CPXM2: variants seen among roughly 807,000 people sequenced by gnomAD.
The protein encoded by CPXM2 is carboxypeptidase X, M14 family member 2, also known as inactive carboxypeptidase-like protein X2.
CPXM2 carries 66 observed loss-of-function variants against 86.1 expected under a neutral mutation model. The ratio of observed to expected loss-of-function variants is 0.77; its 90% CI spans 0.63 to 0.94. The LOEUF (loss-of-function observed/expected upper bound fraction) is 0.94. Ranked by LOEUF, CPXM2 falls within the 40% of genes least tolerant of loss-of-function variation. The probability of loss-of-function intolerance (pLI) is 0.00; values close to 1 mark genes in which losing one functional copy is unlikely to be tolerated. For synonymous variants in CPXM2, 388 were observed against 400.2 expected (o/e 0.97, Z 0.36); for missense variants, 948 against 1,026.3 (o/e 0.92, Z 1.04).
At chr10:123,851,128 A>T (rs1029045858) in intron 3 of CPXM2, among the ~76,000 whole-genome samples, 1 of 152,166 alleles carries the variant, frequency 6.6e-6, no homozygotes, top group Admixed American at 6.5e-5. Flanking sequence ...GCCATTGGCC[A>T]TGACATTGCT....
At chr10:123,920,898 G>A (rs1487875908) in intron 2 of CPXM2, among the ~76,000 whole-genome samples, 2 of 152,090 alleles carry the variant, frequency 1.3e-5, no homozygotes, top group Non-Finnish European at 2.9e-5. Context: ...CTTCCACCAT[G>A]GGATCATGCA....
At chr10:123,943,776 C>T (rs527810400), upstream of CPXM2, among the ~76,000 whole-genome samples, 1 of 152,322 alleles carries the variant, frequency 6.6e-6, no homozygotes, top group East Asian at 1.9e-4. Flanking sequence ...ATGAAGCCAC[C>T]TGCAAAGACA....
At chr10:123,759,115 A>G (rs1846278489) in intron 11 of CPXM2, among the ~76,000 whole-genome samples, 2 of 152,182 alleles carry the variant, frequency 1.3e-5, no homozygotes, top group African/African-American at 2.4e-5. Flanking sequence ...TGGAATAAAA[A>G]GGGTGGGACA....
At chr10:123,815,535 C>A (rs112117627) in intron 4 of CPXM2, among the ~76,000 whole-genome samples, 4,799 of 152,236 alleles carry the variant, frequency 0.032, 253 homozygotes, top group African/African-American at 0.11. Flanking sequence ...GGAACAGCTT[C>A]CCCATACCCA....
At chr10:123,753,515 C>G (rs1846127998) in intron 13 of CPXM2, among the ~76,000 whole-genome samples, 1 of 152,204 alleles carries the variant, frequency 6.6e-6, no homozygotes, top group African/African-American at 2.4e-5. Context: ...CCTCCTTGAG[C>G]TTCTGTTTTT....
chr10:123,860,360 C>T (rs1848824342), intron 3 of CPXM2, among the ~76,000 whole-genome samples: 1 of 152,144 alleles, frequency 6.6e-6, no homozygotes, highest in Admixed American at 6.5e-5. Flanking sequence ...TCCAAAGTCC[C>T]CCAATCTAGA....
At chr10:123,829,375 A>ATTTT (rs61384081) in intron 4 of CPXM2, among the ~76,000 whole-genome samples, 3 of 148,302 alleles carry the variant, frequency 2.0e-5, no homozygotes, top group African/African-American at 7.4e-5. Context: ...TGGAAAAAAA[A>ATTTT]TTTTTTTTTT....
chr10:123,910,318 G>C (rs28739416), intron 2 of CPXM2, among the ~76,000 whole-genome samples: 2 of 151,856 alleles, frequency 1.3e-5, no homozygotes, highest in African/African-American at 2.4e-5. Flanking sequence ...GTGCATTTGC[G>C]GCCCTGGAGG....
At chr10:123,890,837 C>A (rs1178330949) in intron 1 of CPXM2, among the ~76,000 whole-genome samples, 1 of 152,100 alleles carries the variant, frequency 6.6e-6, no homozygotes, top group Admixed American at 6.5e-5. Flanking sequence ...CTGCCCCAGC[C>A]GGGCAGAGGA....
At chr10:123,807,994 C>T (rs1053631887) in intron 4 of CPXM2, among the ~76,000 whole-genome samples, 4 of 152,060 alleles carry the variant, frequency 2.6e-5, no homozygotes, top group South Asian at 2.1e-4. Flanking sequence ...TTCTTGACTG[C>T]GGAATGAGGA....
At chr10:123,838,026 C>A (rs1437209813) in intron 4 of CPXM2, among the ~76,000 whole-genome samples, 2 of 152,244 alleles carry the variant, frequency 1.3e-5, no homozygotes, top group African/African-American at 2.4e-5. Context: ...AGACTGAAAG[C>A]TCCCTGCAGG....
intron 4 of CPXM2, among the ~76,000 whole-genome samples, chr10:123,804,297 A>T (rs1320676938): frequency 6.6e-6 from 1 of 152,160 alleles, no homozygotes; most frequent in Admixed American, 6.5e-5. Context: ...AAGCCTCTGG[A>T]TTTTAATTGG....
intron 2 of CPXM2, among the ~76,000 whole-genome samples, chr10:123,902,844 T>A (rs1346077472): frequency 6.6e-6 from 1 of 152,164 alleles, no homozygotes; most frequent in Admixed American, 6.5e-5. Flanking sequence ...GCGGCTGTTG[T>A]CATTCTTCAT....
At chr10:123,895,121 C>CTTTTTTTTTTTTT (rs869104432), upstream of CPXM2, among the ~76,000 whole-genome samples, 18 of 85,888 alleles carry the variant, frequency 2.1e-4, no homozygotes, top group Non-Finnish European at 3.1e-4. Flanking sequence ...TCTTTTTTTT[C>CTTTTTTTTTTTTT]TTTTTTTTTT....
chr10:123,848,234 T>C (rs1411028694), intron 3 of CPXM2, among the ~76,000 whole-genome samples: 1 of 152,224 alleles, frequency 6.6e-6, no homozygotes, highest in Non-Finnish European at 1.5e-5. Context: ...TCTGAATGTC[T>C]GCCTTCAATA....
chr10:123,902,010 A>G (rs958440053), intron 2 of CPXM2, among the ~76,000 whole-genome samples: 2 of 152,236 alleles, frequency 1.3e-5, no homozygotes, highest in African/African-American at 4.8e-5. Flanking sequence ...TGTGCAGAGT[A>G]TCCCACTGAA....
chr10:123,935,737 GCATCATCACCAT>G (rs1002355965), intron 2 of CPXM2, among the ~76,000 whole-genome samples: 1 of 152,024 alleles, frequency 6.6e-6, no homozygotes, highest in Non-Finnish European at 1.5e-5. Flanking sequence ...AGAAATACAA[GCATCATCACCAT>G]CATCATCACC....
intron 6 of CPXM2, among the ~76,000 whole-genome samples, chr10:123,794,370 C>A (rs1161592645): frequency 1.3e-5 from 2 of 152,206 alleles, no homozygotes; most frequent in Non-Finnish European, 2.9e-5. Context: ...AGCACTGCCA[C>A]CCCAGTATCT....
chr10:123,855,919 A>G (rs573044059), intron 3 of CPXM2, among the ~76,000 whole-genome samples: 28 of 152,252 alleles, frequency 1.8e-4, no homozygotes, highest in African/African-American at 6.3e-4. Context: ...CTCCTGGAAG[A>G]GCTGCAAGAG....
Sources: allele counts gnomAD v4.1 joint callset (sites outside exome capture counted in the v4.1 genomes callset), GRCh38; gene constraint gnomAD v4.1.1; transcripts MANE v1.5; gene names NCBI Gene and HGNC (gene_info 2026-07-23, HGNC 2026-07-21).